SLC12A7: variants seen among roughly 807,000 people sequenced by gnomAD.
The protein encoded by SLC12A7 is K-Cl cotransporter 4.
A neutral mutation model predicts 120.6 loss-of-function variants in SLC12A7; 100 were observed. That is an observed-to-expected ratio of 0.83 (90% CI 0.71 to 0.98). The LOEUF is 0.98. Ranked by LOEUF, SLC12A7 falls within the 50% of genes least tolerant of loss-of-function variation. The pLI is 0.00. For synonymous variants in SLC12A7, 760 were observed against 678.0 expected, an observed-to-expected ratio of 1.12 and a Z score of -1.88; for missense variants, 1,373 against 1,548.1, an observed-to-expected ratio of 0.89 and a Z score of 1.90.
intron 1 of SLC12A7, among the ~76,000 whole-genome samples, chr5:1,100,780 A>C (rs955824758): frequency 3.3e-5 from 5 of 152,310 alleles, no homozygotes; most frequent in Admixed American, 1.3e-4. Context: ...GACTCCCCAA[A>C]ACTGCCACAG....
At chr5:1,097,563 AG>A (rs930936300) in intron 1 of SLC12A7, among the ~76,000 whole-genome samples, 5 of 152,224 alleles carry the variant, frequency 3.3e-5, no homozygotes, top group Non-Finnish European at 5.9e-5. Context: ...CTGACTGTGC[AG>A]GGCTGTGCGC....
intron 22 of SLC12A7, chr5:1,056,573 T>C: frequency 1.0e-6 from 1 of 985,324 alleles, no homozygotes; most frequent in Middle Eastern, 5.2e-4. Flanking sequence ...TTGTAGCGAG[T>C]GGACTTACAG....
chr5:1,079,465 G>A lies in SLC12A7; in HGVS notation c.1329C>T (p.Asp443=). 2 of 1,612,772 alleles carry A rather than the reference G, an allele frequency of 1.2e-6. No homozygotes were observed. The highest frequency in any genetic ancestry group is 1.7e-6 in the Non-Finnish European group (2 of 1,179,886). ...GGATGGACTTCTGTGCATCCTTGAGGTCCCCGGACCGGTTTGAACCCGCCA... is the reference window on the plus strand; with the variant it reads ...GGATGGACTTCTGTGCATCCTTGAGATCCCCGGACCGGTTTGAACCCGCCA... ...GIMAGSNRSG[D]LKDAQKSIPT... is the part of the protein sequence containing the mutation. The change falls in exon 10 of 24, where the codon GAC becomes GAT. Residue 443 remains aspartate, a synonymous_variant. Transcript: ENST00000264930.
intron 1 of SLC12A7, among the ~76,000 whole-genome samples, chr5:1,104,469 C>T (rs1742313411): frequency 1.3e-5 from 2 of 152,246 alleles, no homozygotes; most frequent in Admixed American, 6.5e-5. Flanking sequence ...GACACACAAA[C>T]CAGGCATGCC....
intron 1 of SLC12A7, among the ~76,000 whole-genome samples, chr5:1,101,317 C>T (rs1157844151): frequency 6.6e-6 from 1 of 152,216 alleles, no homozygotes; most frequent in African/African-American, 2.4e-5. Flanking sequence ...GAACCCCATG[C>T]ACCAGGCTGA....
In SLC12A7 at chr5:1,061,209, GCGTCTC is replaced by G. The variant is rs1222439827; in HGVS notation, c.2740-764_2740-759del. Among the ~76,000 whole-genome samples, 40 of 19,466 alleles carry G rather than the reference GCGTCTC, an allele frequency of 2.1e-3. 11 individuals carry two copies. Among genetic ancestry groups the G allele is most frequent in the African/African-American group, 2.5e-3 (38 of 15,488 alleles). 12.8% of individuals were successfully genotyped at this position (19,466 alleles called of 152,430 possible). ...ACCGCACCCGCCGTGCGGGATCCCT[GCGTCTC>G]ACCCACCGCACCCGCCGTACCTGCC... On this transcript the variant is annotated intron_variant, in intron 20 of 23. Transcript: ENST00000264930.
intron 11 of SLC12A7, 108 bp downstream of exon 11, chr5:1,078,593 C>T (rs1738631024): frequency 4.5e-6 from 4 of 894,746 alleles, no homozygotes; most frequent in Admixed American, 2.0e-5. Flanking sequence ...TTCAGCTCTG[C>T]ACGCGGACAT....
chr5:1,131,946 C>T, the SLC12A7 span, among the ~76,000 whole-genome samples: 1 of 152,192 alleles, frequency 6.6e-6, no homozygotes, highest in African/African-American at 2.4e-5. Flanking sequence ...AGAGTGACTC[C>T]ATCTTGAACA....
chr5:1,079,488 C>A lies in SLC12A7; in HGVS notation c.1306G>T (p.Ala436Ser). Reference sequence around the variant, plus strand: ...AGGTCCCCGGACCGGTTTGAACCCGCCATGATACCTGTGAACATGGAAAAT... The same window carrying A: ...AGGTCCCCGGACCGGTTTGAACCCGACATGATACCTGTGAACATGGAAAAT... ...IYFPSVTGIM[A>S]GSNRSGDLKD... The change falls in exon 10 of 24, where the codon GCG becomes TCG. Residue 436 changes from alanine to serine, a missense_variant. Transcript: ENST00000264930. 6.2e-7 allele frequency: 1 copy of A among 1,612,322 alleles called. No homozygotes were observed. Among genetic ancestry groups the A allele is most frequent in the Non-Finnish European group, 8.5e-7 (1 of 1,179,476 alleles).
rs768728700 is a variant in SLC12A7, at chr5:1,087,028, C to A, written c.550G>T (p.Gly184Trp). Residue 184 changes from glycine to tryptophan, a missense_variant, in exon 6 of 24, where the codon GGG (glycine) becomes TGG (tryptophan). Transcript: ENST00000264930. ...IATNGVVPAG[G>W]SYYMISRSLG... ...GAGCGCGATATCATGTAGTAGGACC[C>A]GCCAGCTGCGGAGACAAAGGCGGCA... 4 of 1,610,916 alleles carry A rather than the reference C, an allele frequency of 2.5e-6. No homozygotes were observed. The highest frequency in any genetic ancestry group is 3.4e-6 in the Non-Finnish European group (4 of 1,178,846).
chr5:1,055,724 ATGTG>A (rs1481216379), intron 22 of SLC12A7, among the ~76,000 whole-genome samples: 1 of 152,192 alleles, frequency 6.6e-6, no homozygotes, highest in Non-Finnish European at 1.5e-5. Flanking sequence ...GTGCCTGTGC[ATGTG>A]TGTGTCAAAC....
intron 21 of SLC12A7, among the ~76,000 whole-genome samples, chr5:1,058,639 C>T (rs930831692): frequency 6.6e-6 from 1 of 152,226 alleles, no homozygotes; most frequent in Non-Finnish European, 1.5e-5. Flanking sequence ...CGGTCCTTCC[C>T]GAAAGGGAAG....
chr5:1,104,500 T>A (rs1454822188), intron 1 of SLC12A7, among the ~76,000 whole-genome samples: 1 of 152,150 alleles, frequency 6.6e-6, no homozygotes, highest in Non-Finnish European at 1.5e-5. Flanking sequence ...ACGGGCATGC[T>A]GCGTGCGGCT....
the SLC12A7 span, among the ~76,000 whole-genome samples, chr5:1,135,067 C>T: frequency 5.9e-5 from 9 of 151,884 alleles, no homozygotes; most frequent in Non-Finnish European, 1.0e-4. Flanking sequence ...GCAGAGGCTG[C>T]AGTGAGCCGA....
At chr5:1,120,152 C>T in the SLC12A7 span, among the ~76,000 whole-genome samples, 242 of 152,274 alleles carry the variant, frequency 1.6e-3, 2 homozygotes, top group Non-Finnish European at 1.5e-3. Flanking sequence ...ATCATGGCTG[C>T]AGACCCTGCC....
At chr5:1,134,298 C>T in the SLC12A7 span, among the ~76,000 whole-genome samples, 1 of 152,018 alleles carries the variant, frequency 6.6e-6, no homozygotes, top group South Asian at 2.1e-4. Flanking sequence ...GATGAAACCC[C>T]GTCTCTACTA....
intron 18 of SLC12A7, 107 bp downstream of exon 18, chr5:1,065,176 G>T: frequency 2.0e-6 from 2 of 978,536 alleles, no homozygotes; most frequent in Non-Finnish European, 3.0e-6. Flanking sequence ...GACAGTGAGA[G>T]GACAGCGAGG....
chr5:1,053,548 G>A lies in SLC12A7; in HGVS notation c.3027-66C>T. On this transcript the variant is annotated intron_variant, in intron 22 of 23. Coordinates refer to ENST00000264930, the MANE Select transcript of SLC12A7 (RefSeq NM_006598.3). ...CCCCACGCTCCGGACACGAGGCTGA[G>A]CTGAGCCCTGATGAGCTGCATTCAC... 4 of 1,577,516 alleles carry A rather than the reference G, an allele frequency of 2.5e-6. No homozygotes were observed. In the South Asian group the frequency reaches 3.5e-5, roughly 14 times the overall value.
At chr5:1,065,739 G>A (rs1284487868) in intron 17 of SLC12A7, among the ~76,000 whole-genome samples, 1 of 152,058 alleles carries the variant, frequency 6.6e-6, no homozygotes, top group Non-Finnish European at 1.5e-5. Context: ...GCTGCTCTGG[G>A]GACACAACGC....
Sources: gnomAD v4.1 joint callset for allele counts (sites outside exome capture counted in the v4.1 genomes callset) on GRCh38, gnomAD v4.1.1 for gene constraint, MANE v1.5 for transcripts, NCBI Gene and HGNC (gene_info 2026-07-23, HGNC 2026-07-21) for gene names.